Variants in RBFOX1 observed in about 807,000 individuals in gnomAD.
RBFOX1 encodes the protein RNA binding fox-1 homolog 1.
Under a neutral mutation model 57.7 loss-of-function variants are expected in RBFOX1, and 8 were observed. The ratio of observed to expected loss-of-function variants is 0.14; its 90% CI spans 0.08 to 0.25. The LOEUF (loss-of-function observed/expected upper bound fraction) is 0.25, where lower values mean the gene tolerates loss of function less well. RBFOX1 is among the 10% of genes least tolerant of loss of function. RBFOX1 has a pLI of 1.00. For synonymous variants in RBFOX1, 326 were observed against 222.4 expected, an observed-to-expected ratio of 1.47 and a Z score of -4.15; for missense variants, 611 against 548.5, an observed-to-expected ratio of 1.11 and a Z score of -1.14.
intron 4 of RBFOX1, among the ~76,000 whole-genome samples, chr16:7,385,005 C>G (rs1324068263): frequency 1.3e-5 from 2 of 152,066 alleles, no homozygotes; most frequent in Non-Finnish European, 2.9e-5. Flanking sequence ...GCAAATCATG[C>G]CAAGGCAGAG....
rs1041509197 is a variant in RBFOX1 at position 6,268,796 on chromosome 16, A to G, written c.-126-48199A>G. On this transcript the variant is annotated intron_variant, in intron 1 of 15. Transcript: ENST00000550418. ...TAGTTATAAGTGGACTTCTGGAAAG[A>G]TGAAGTAAACATTTTTTCCCTGTTC... Among the ~76,000 whole-genome samples the G allele has an allele frequency of 3.3e-5, 5 of 152,314 alleles. No homozygotes were observed. In the South Asian group the frequency reaches 1.0e-3, roughly 32 times the overall value.
At chr16:7,207,507 A>T (rs1312263767) in intron 4 of RBFOX1, among the ~76,000 whole-genome samples, 3 of 152,176 alleles carry the variant, frequency 2.0e-5, no homozygotes, top group Non-Finnish European at 4.4e-5. Flanking sequence ...AGTGCCTGCT[A>T]CATAATAGAT....
intron 3 of RBFOX1, among the ~76,000 whole-genome samples, chr16:5,630,211 C>G (rs568683639): frequency 8.1e-4 from 124 of 152,268 alleles, no homozygotes; most frequent in African/African-American, 3.0e-3. Flanking sequence ...AATCCCAGGA[C>G]TTTGGGAGGT....
intron 14 of RBFOX1, among the ~76,000 whole-genome samples, chr16:7,680,463 G>C (rs1239546947): frequency 6.6e-6 from 1 of 152,034 alleles, no homozygotes; most frequent in Non-Finnish European, 1.5e-5. Flanking sequence ...TCCACGTCAG[G>C]GCTGAAAGTA....
intron 1 of RBFOX1, among the ~76,000 whole-genome samples, chr16:6,181,046 C>G (rs1482468879): frequency 6.6e-6 from 1 of 152,160 alleles, no homozygotes; most frequent in Non-Finnish European, 1.5e-5. Flanking sequence ...ATTTTCAAAT[C>G]TTTCCAAGTA....
chr16:6,526,489 C>A (rs2096579546), intron 2 of RBFOX1, among the ~76,000 whole-genome samples: 2 of 152,100 alleles, frequency 1.3e-5, no homozygotes, highest in Admixed American at 1.3e-4. Context: ...TCTATTAGGT[C>A]TGAGGCTAGA....
chr16:7,612,072 A>G (rs1317520753), intron 10 of RBFOX1, among the ~76,000 whole-genome samples: 1 of 152,164 alleles, frequency 6.6e-6, no homozygotes, highest in Non-Finnish European at 1.5e-5. Flanking sequence ...CTGTAATCCC[A>G]GCACTTTGGG....
At chr16:7,174,034 T>G (rs2081208154) in intron 4 of RBFOX1, among the ~76,000 whole-genome samples, 1 of 152,318 alleles carries the variant, frequency 6.6e-6, no homozygotes, top group South Asian at 2.1e-4. Context: ...ATTAAACAAA[T>G]ATTTATTGAG....
intron 10 of RBFOX1, among the ~76,000 whole-genome samples, chr16:7,624,747 G>C (rs1428168459): frequency 1.3e-5 from 2 of 152,140 alleles, no homozygotes; most frequent in Non-Finnish European, 1.5e-5. Flanking sequence ...TCGGCTGAGT[G>C]ACATTAGGAA....
At chr16:5,318,885 C>G (rs2064318108) in intron 1 of RBFOX1, among the ~76,000 whole-genome samples, 1 of 152,172 alleles carries the variant, frequency 6.6e-6, no homozygotes, top group South Asian at 2.1e-4. Context: ...GTAATCCAAG[C>G]ACTTTGGGAG....
intron 2 of RBFOX1, among the ~76,000 whole-genome samples, chr16:6,491,873 A>G (rs2153137071): frequency 6.6e-6 from 1 of 152,290 alleles, no homozygotes; most frequent in Middle Eastern, 3.4e-3. Flanking sequence ...TGAAAAATGA[A>G]TCTGATGTAG....
intron 3 of RBFOX1, among the ~76,000 whole-genome samples, chr16:6,974,411 C>G (rs146519805): frequency 1.6e-5 from 2 of 122,254 alleles, no homozygotes; most frequent in East Asian, 2.8e-4. Flanking sequence ...ATGGTACAAT[C>G]TCAGTTCACT....
At chr16:6,546,810 G>A (rs559203087) in intron 2 of RBFOX1, among the ~76,000 whole-genome samples, 4 of 152,150 alleles carry the variant, frequency 2.6e-5, no homozygotes, top group Non-Finnish European at 5.9e-5. Context: ...TGGGGTCATA[G>A]GCTCCATAAT....
intron 4 of RBFOX1, among the ~76,000 whole-genome samples, chr16:7,169,804 T>C (rs923569749): frequency 7.9e-6 from 1 of 126,212 alleles, no homozygotes; most frequent in Non-Finnish European, 1.6e-5. Flanking sequence ...GTGCAGTGGC[T>C]CATGCCTGTA....
rs2073404152 is a variant in RBFOX1, at chr16:7,676,781, A to G, written c.938A>G (p.Tyr313Cys). 3.1e-6 allele frequency: 5 copies of G among 1,612,902 alleles called. No individual in the cohort carries two copies. The highest frequency in any genetic ancestry group is 4.2e-6 in the Non-Finnish European group (5 of 1,179,252). The stretch of plus-strand genomic sequence containing the variant: ...TTTCTCCTTGTGTTTTAGGGTGGTT[A>G]TGCTGCATACCGCTACGCCCAGCCT... ...GFYGADIYGG[Y>C]AAYRYAQPTP... Residue 313 changes from tyrosine (Y) to cysteine (C), a missense_variant, in exon 14 of 16, where the codon TAT becomes TGT. Tyr to Cys is a radical substitution (Grantham distance 194). Around this residue, in one of 3 missense-constraint regions of RBFOX1, gnomAD observed 267 missense variants for 229.1 expected, o/e 1.17. Coordinates refer to ENST00000550418, the MANE Select transcript of RBFOX1 (RefSeq NM_018723.4).
At chr16:6,720,081 G>C (rs576206548) in intron 3 of RBFOX1, among the ~76,000 whole-genome samples, 1 of 152,088 alleles carries the variant, frequency 6.6e-6, no homozygotes, top group Non-Finnish European at 1.5e-5. Flanking sequence ...GCGACAGTGT[G>C]AGACTCCATC....
intron 3 of RBFOX1, among the ~76,000 whole-genome samples, chr16:6,792,874 C>T (rs942691242): frequency 6.6e-6 from 1 of 151,778 alleles, no homozygotes; most frequent in Non-Finnish European, 1.5e-5. Context: ...ACTAAAAATA[C>T]AAAAAATTAG....
intron 1 of RBFOX1, among the ~76,000 whole-genome samples, chr16:5,389,361 C>T: frequency 6.6e-6 from 1 of 152,142 alleles, no homozygotes; most frequent in East Asian, 1.9e-4. Context: ...GGGGCTGGAT[C>T]ATTCTGTTGT....
At chr16:6,913,424 C>T (rs916322258) in intron 3 of RBFOX1, among the ~76,000 whole-genome samples, 22 of 152,236 alleles carry the variant, frequency 1.4e-4, no homozygotes, top group African/African-American at 4.3e-4. Context: ...TGTTTGAGAA[C>T]ATCTTTCCTC....
Sources: gnomAD v4.1 joint callset for allele counts (sites outside exome capture counted in the v4.1 genomes callset) on GRCh38, gnomAD v4.1.1 for gene constraint, gnomAD v4.1.1 regional missense constraint, MANE v1.5 for transcripts, NCBI Gene and HGNC (gene_info 2026-07-23, HGNC 2026-07-21) for gene names.